CDH2: variants seen among roughly 807,000 people sequenced by gnomAD.
CDH2 encodes the protein cadherin-2.
CDH2 carries 17 observed loss-of-function variants against 92.0 expected under a neutral mutation model. The observed-to-expected ratio is 0.18, with a 90% confidence interval of 0.13 to 0.28. The LOEUF (loss-of-function observed/expected upper bound fraction) is 0.28, where lower values mean the gene tolerates loss of function less well. Ranked by LOEUF, CDH2 falls within the 10% of genes least tolerant of loss-of-function variation. CDH2 has a pLI of 1.00. For synonymous variants in CDH2, 419 were observed against 415.9 expected, an observed-to-expected ratio of 1.01 and a Z score of -0.09; for missense variants, 862 against 1,133.1, an observed-to-expected ratio of 0.76 and a Z score of 3.44.
At chr18:28,054,467 C>T (rs985661004) in intron 2 of CDH2, among the ~76,000 whole-genome samples, 3 of 152,112 alleles carry the variant, frequency 2.0e-5, no homozygotes, top group Non-Finnish European at 4.4e-5. Context: ...CAAAGGCAAA[C>T]GGGCATGTCT....
chr18:27,981,221 G>A (rs1005403324), intron 14 of CDH2, among the ~76,000 whole-genome samples: 2 of 152,026 alleles, frequency 1.3e-5, no homozygotes, highest in African/African-American at 2.4e-5. Flanking sequence ...TGTAAAGTAT[G>A]CAAAATTACA....
intron 1 of CDH2, among the ~76,000 whole-genome samples, chr18:28,155,368 G>T (rs879497147): frequency 6.6e-6 from 1 of 152,156 alleles, no homozygotes; most frequent in African/African-American, 2.4e-5. Context: ...ACAGGACAAG[G>T]GTTAGCTATT....
chr18:28,104,228 C>T (rs1340237728), intron 2 of CDH2, among the ~76,000 whole-genome samples: 1 of 152,046 alleles, frequency 6.6e-6, no homozygotes, highest in Non-Finnish European at 1.5e-5. Flanking sequence ...ATATTATGAC[C>T]ATAAAAGTAT....
chr18:28,013,706 T>C lies in CDH2; in HGVS notation c.376A>G (p.Thr126Ala). ...QVAVKLSLKP[T>A]LTEESVKESA... ...ACCTTCACTGACTCCTCAGTTAAGGTTGGCTTCAGGCTCAATTTTACTGCC... is the reference window on the plus strand; with the variant it reads ...ACCTTCACTGACTCCTCAGTTAAGGCTGGCTTCAGGCTCAATTTTACTGCC... Residue 126 changes from threonine (T) to alanine (A), a missense_variant, in exon 3 of 16, where the codon ACC becomes GCC. Physicochemically the swap from Thr to Ala is moderately conservative, Grantham distance 58 (BLOSUM62 0). Transcript: ENST00000269141. 1 of 1,613,796 alleles carries C rather than the reference T, an allele frequency of 6.2e-7. No individual in the cohort carries two copies. Among genetic ancestry groups the C allele is most frequent in the Non-Finnish European group, 8.5e-7 (1 of 1,179,750 alleles).
rs767296927 is a variant in CDH2 at position 28,013,853 on chromosome 18, C to T, written c.229G>A (p.Ala77Thr). Residue 77 changes from alanine to threonine, a missense_variant, in exon 3 of 16, where the codon GCA (alanine) becomes ACA (threonine). Ala to Thr is a moderately conservative substitution (Grantham distance 58). Around this residue, in one of 5 missense-constraint regions of CDH2, gnomAD observed 159 missense variants for 177.2 expected, o/e 0.90. Transcript: ENST00000269141. ...CCATCTTCATCCACCTTAAAATCTG[C>T]AGGCTCACTGCTCTCATATTGTACT... ...RKVQYESSEP[A>T]DFKVDEDGMV... The T allele has an allele frequency of 5.6e-6, 9 of 1,613,932 alleles. No homozygotes were observed. The South Asian group carries it at 6.6e-5, about 12-fold the overall frequency.
At chr18:28,047,965 A>T (rs2014114740) in intron 2 of CDH2, among the ~76,000 whole-genome samples, 1 of 151,988 alleles carries the variant, frequency 6.6e-6, no homozygotes, top group Admixed American at 6.6e-5. Flanking sequence ...TTAATGCTAA[A>T]TATTAAAAGG....
chr18:28,112,034 T>C (rs1417616836), intron 2 of CDH2, among the ~76,000 whole-genome samples: 1 of 152,198 alleles, frequency 6.6e-6, no homozygotes. Context: ...CCTTAGCATT[T>C]AAGGGTAACA....
intron 2 of CDH2, among the ~76,000 whole-genome samples, chr18:28,108,520 T>A (rs2015359299): frequency 6.6e-6 from 1 of 152,174 alleles, no homozygotes; most frequent in African/African-American, 2.4e-5. Flanking sequence ...CAGCTTTTAA[T>A]CAAGCAGCTG....
chr18:27,984,189 T>G (rs1272237726), intron 13 of CDH2, among the ~76,000 whole-genome samples: 1 of 152,174 alleles, frequency 6.6e-6, no homozygotes, highest in Non-Finnish European at 1.5e-5. Flanking sequence ...ACCAGAACAC[T>G]TGTAAATGGA....
chr18:28,095,360 T>A (rs2015113274), intron 2 of CDH2, among the ~76,000 whole-genome samples: 1 of 151,936 alleles, frequency 6.6e-6, no homozygotes, highest in African/African-American at 2.4e-5. Flanking sequence ...GTGGGAGAAT[T>A]GCTTGAGGTC....
At chr18:27,996,514 G>A (rs929806937) in intron 7 of CDH2, among the ~76,000 whole-genome samples, 5 of 152,280 alleles carry the variant, frequency 3.3e-5, no homozygotes, top group Non-Finnish European at 2.9e-5. Flanking sequence ...CTTTGGAGAC[G>A]ACTTCTGAAA....
chr18:28,119,954 A>G (rs948517752), intron 2 of CDH2, among the ~76,000 whole-genome samples: 1 of 152,088 alleles, frequency 6.6e-6, no homozygotes, highest in Admixed American at 6.6e-5. Context: ...CCAAATGACA[A>G]TGAAGGAATC....
At chr18:27,938,873 A>T (rs1209831327) in intron 6 of CDH2, among the ~76,000 whole-genome samples, 1 of 152,204 alleles carries the variant, frequency 6.6e-6, no homozygotes, top group Non-Finnish European at 1.5e-5. Context: ...CTAAATTGGG[A>T]TATTCGAAGG....
chr18:28,035,737 T>C (rs1404448161), intron 2 of CDH2, among the ~76,000 whole-genome samples: 1 of 152,104 alleles, frequency 6.6e-6, no homozygotes, highest in African/African-American at 2.4e-5. Context: ...TTTCATTGTA[T>C]AAAGTTCTTT....
chr18:28,043,175 AT>A (rs1256070274), intron 2 of CDH2, among the ~76,000 whole-genome samples: 2 of 152,170 alleles, frequency 1.3e-5, no homozygotes, highest in Non-Finnish European at 2.9e-5. Flanking sequence ...GGAGGCCATT[AT>A]TCTAAGTGAG....
chr18:28,157,693 A>G (rs749376735), intron 1 of CDH2, among the ~76,000 whole-genome samples: 4 of 152,216 alleles, frequency 2.6e-5, no homozygotes, highest in Non-Finnish European at 5.9e-5. Context: ...GCCTGCTGCC[A>G]TAATAAACTT....
At chr18:27,982,374 T>A (rs1671040759) in intron 14 of CDH2, among the ~76,000 whole-genome samples, 1 of 152,198 alleles carries the variant, frequency 6.6e-6, no homozygotes, top group African/African-American at 2.4e-5. Context: ...ATCTATTGAA[T>A]AACCACCTCA....
chr18:28,004,174 T>G (rs966959564), intron 6 of CDH2, among the ~76,000 whole-genome samples: 3 of 152,102 alleles, frequency 2.0e-5, no homozygotes, highest in Middle Eastern at 3.4e-3. Flanking sequence ...GTGTACTTCC[T>G]TGTTTGCATG....
intron 7 of CDH2, among the ~76,000 whole-genome samples, chr18:27,996,729 A>T (rs1250846572): frequency 6.6e-6 from 1 of 152,176 alleles, no homozygotes; most frequent in Non-Finnish European, 1.5e-5. Context: ...CATATATGGC[A>T]CAGTGCCTGA....
Sources: allele counts gnomAD v4.1 joint callset (sites outside exome capture counted in the v4.1 genomes callset), GRCh38; gene constraint gnomAD v4.1.1; regional missense constraint gnomAD v4.1.1; transcripts MANE v1.5; gene names NCBI Gene and HGNC (gene_info 2026-07-23, HGNC 2026-07-21).